Variants in MYRFL observed in about 807,000 individuals in gnomAD.
MYRFL encodes the protein myelin regulatory factor like, also known as myelin regulatory factor-like protein.
In MYRFL, 88 loss-of-function variants were observed where a neutral mutation model predicts 109.4. The observed-to-expected ratio is 0.80, with a 90% CI of 0.68 to 0.96. The LOEUF is 0.96. MYRFL is among the 40% of genes least tolerant of loss of function. The probability of loss-of-function intolerance (pLI) is 0.00; values close to 1 mark genes in which losing one functional copy is unlikely to be tolerated. For synonymous variants in MYRFL, 324 were observed against 320.9 expected, an observed-to-expected ratio of 1.01 and a Z score of -0.10; for missense variants, 957 against 954.9, an observed-to-expected ratio of 1.00 and a Z score of -0.03.
intron 5 of MYRFL, among the ~76,000 whole-genome samples, chr12:69,882,079 G>A (rs55772934): frequency 0.043 from 6,576 of 152,206 alleles, 540 homozygotes; most frequent in African/African-American, 0.15. Context: ...GCTCCATCCT[G>A]CGATGGTTTT....
chr12:69,938,039 G>A (rs555830753), intron 19 of MYRFL, among the ~76,000 whole-genome samples: 2 of 152,270 alleles, frequency 1.3e-5, no homozygotes, highest in African/African-American at 4.8e-5. Context: ...ACAGCAATAG[G>A]AGACAATGAG....
chr12:69,836,306 T>C (rs1201164764), intron 1 of MYRFL, among the ~76,000 whole-genome samples: 5 of 152,088 alleles, frequency 3.3e-5, no homozygotes, highest in African/African-American at 9.7e-5. Context: ...CGGGTTTTTA[T>C]AGGCACAGGA....
At chr12:69,833,436 C>G (rs1030482596) in intron 1 of MYRFL, among the ~76,000 whole-genome samples, 1 of 152,112 alleles carries the variant, frequency 6.6e-6, no homozygotes, top group Non-Finnish European at 1.5e-5. Context: ...GGAAGGATGT[C>G]CAGTCAGTGG....
Position 69,880,951 on chromosome 12 carries a change from G to GTTTTTTTTTTTTTTTTTTTTTTTTTT in MYRFL, c.556+677_556+678insTTTTTTTTTTTTTTTTTTTTTTTTTT, listed in dbSNP as rs71094746. Reference sequence around the variant, plus strand: ...TAATGTCCAAGCGGTCAGCCTTCCTGTTTTTTTTTTTTTTTTTTGTCTTAT... The same window carrying GTTTTTTTTTTTTTTTTTTTTTTTTTT: ...TAATGTCCAAGCGGTCAGCCTTCCTGTTTTTTTTTTTTTTTTTTTTTTTTTTTTTTTTTTTTTTTTTTTTGTCTTAT... On this transcript the variant is annotated intron_variant, in intron 5 of 24. Transcript: ENST00000552032. Among the ~76,000 whole-genome samples the GTTTTTTTTTTTTTTTTTTTTTTTTTT allele has an allele frequency of 1.1e-4, 12 of 112,624 alleles. 2 individuals are homozygous for GTTTTTTTTTTTTTTTTTTTTTTTTTT. Among genetic ancestry groups the GTTTTTTTTTTTTTTTTTTTTTTTTTT allele is most frequent in the Non-Finnish European group, 1.6e-4 (9 of 55,770 alleles). 73.9% of individuals were successfully genotyped at this position (112,624 alleles called of 152,430 possible).
intron 19 of MYRFL, among the ~76,000 whole-genome samples, chr12:69,937,372 T>G (rs1326920640): frequency 1.3e-5 from 2 of 152,212 alleles, no homozygotes; most frequent in African/African-American, 2.4e-5. Context: ...TTGATTAGGA[T>G]ACTGTCATAA....
chr12:69,874,268 C>T (rs939624925), intron 2 of MYRFL, among the ~76,000 whole-genome samples: 4 of 152,322 alleles, frequency 2.6e-5, no homozygotes, highest in East Asian at 1.9e-4. Context: ...GCCTCATTCT[C>T]CTGGGCTCAA....
chr12:69,857,228 G>T (rs1359954037), intron 2 of MYRFL, among the ~76,000 whole-genome samples: 2 of 151,766 alleles, frequency 1.3e-5, no homozygotes, highest in Admixed American at 1.3e-4. Flanking sequence ...TGATCTACGT[G>T]CCTATCATTT....
At chr12:69,947,877 AAC>A (rs1042112720) in intron 19 of MYRFL, among the ~76,000 whole-genome samples, 2 of 152,334 alleles carry the variant, frequency 1.3e-5, no homozygotes, top group African/African-American at 4.8e-5. Context: ...GTACAAGTAC[AAC>A]ACAGTCTTAC....
intron 13 of MYRFL, among the ~76,000 whole-genome samples, chr12:69,911,999 T>C (rs1423747413): frequency 1.3e-5 from 2 of 152,154 alleles, no homozygotes; most frequent in African/African-American, 4.8e-5. Flanking sequence ...ACCTTGCTGG[T>C]CAGAAGCCAC....
At chr12:69,837,519 G>C (rs1323896970) in intron 1 of MYRFL, among the ~76,000 whole-genome samples, 6 of 152,168 alleles carry the variant, frequency 3.9e-5, no homozygotes, top group Non-Finnish European at 7.3e-5. Flanking sequence ...CCATGAACCA[G>C]TAGTAGATTC....
intron 19 of MYRFL, among the ~76,000 whole-genome samples, chr12:69,942,688 C>A (rs978490684): frequency 1.3e-5 from 2 of 151,676 alleles, no homozygotes; most frequent in Non-Finnish European, 2.9e-5. Context: ...CTGGCCAGGG[C>A]AATTAGGCAG....
At chr12:69,853,755 C>A (rs1451135759) in intron 1 of MYRFL, among the ~76,000 whole-genome samples, 1 of 145,318 alleles carries the variant, frequency 6.9e-6, no homozygotes, top group Non-Finnish European at 1.5e-5. Flanking sequence ...GACTGGGCGG[C>A]GGGGCAGAGG....
intron 20 of MYRFL, 79 bp downstream of exon 20, chr12:69,952,254 A>T (rs1271789946): frequency 9.2e-6 from 12 of 1,304,136 alleles, no homozygotes; most frequent in Non-Finnish European, 1.3e-5. Flanking sequence ...GCATTGCTGG[A>T]GTGAGGAGCA....
intron 13 of MYRFL, among the ~76,000 whole-genome samples, chr12:69,912,091 C>T (rs563563911): frequency 6.6e-6 from 1 of 152,308 alleles, no homozygotes; most frequent in South Asian, 2.1e-4. Flanking sequence ...GTACCACAAA[C>T]TCTTAGATGA....
intron 1 of MYRFL, among the ~76,000 whole-genome samples, chr12:69,847,405 G>T (rs1883623652): frequency 1.3e-5 from 2 of 152,048 alleles, no homozygotes; most frequent in African/African-American, 4.8e-5. Context: ...CAAAGAAAAA[G>T]TTCATTTTAT....
At chr12:69,895,030 G>A (rs899930646) in intron 8 of MYRFL, among the ~76,000 whole-genome samples, 2 of 152,170 alleles carry the variant, frequency 1.3e-5, no homozygotes, top group East Asian at 1.9e-4. Context: ...CAACAGTGGC[G>A]GCAGCACAAA....
At chr12:69,917,144 C>A (rs555805192) in intron 13 of MYRFL, among the ~76,000 whole-genome samples, 1 of 152,154 alleles carries the variant, frequency 6.6e-6, no homozygotes, top group Admixed American at 6.5e-5. Context: ...AGTGCCGAGG[C>A]CTTCCTTAAC....
chr12:69,933,550 G>A (rs111865415), intron 16 of MYRFL, among the ~76,000 whole-genome samples: 8 of 152,264 alleles, frequency 5.3e-5, no homozygotes, highest in South Asian at 2.1e-4. Context: ...ACCTAAAGCA[G>A]CATCCTAGCT....
chr12:69,868,931 T>C (rs1436000741), intron 2 of MYRFL, among the ~76,000 whole-genome samples: 2 of 151,314 alleles, frequency 1.3e-5, no homozygotes, highest in Non-Finnish European at 2.9e-5. Flanking sequence ...TACTCACACG[T>C]ACACACAGAT....
Sources: allele counts gnomAD v4.1 joint callset (sites outside exome capture counted in the v4.1 genomes callset), GRCh38; gene constraint gnomAD v4.1.1; transcripts MANE v1.5; gene names NCBI Gene and HGNC (gene_info 2026-07-23, HGNC 2026-07-21).